The following LTN1 variants were observed in gnomAD, a reference collection of about 807,000 sequenced individuals.
The protein encoded by LTN1 is E3 ubiquitin-protein ligase listerin.
LTN1 carries 88 observed loss-of-function variants against 201.2 expected under a neutral mutation model. That is an observed-to-expected ratio of 0.44 (90% confidence interval 0.37 to 0.52). The LOEUF (loss-of-function observed/expected upper bound fraction) is 0.52, where lower values mean the gene tolerates loss of function less well. Among genes scored for constraint, LTN1 ranks in the 20% least tolerant of loss-of-function variants. LTN1 has a pLI of 0.00. For synonymous variants in LTN1, 645 were observed against 713.5 expected, an observed-to-expected ratio of 0.90 and a Z score of 1.53; for missense variants, 1,752 against 2,038.7, an observed-to-expected ratio of 0.86 and a Z score of 2.71.
chr21:28,962,279 C>T (rs2084485362), intron 11 of LTN1, among the ~76,000 whole-genome samples: 2 of 152,142 alleles, frequency 1.3e-5, no homozygotes, highest in Admixed American at 6.5e-5. Context: ...TTTGTAAATG[C>T]TGCAATTTTA....
chr21:28,942,528 C>G (rs1198039061), intron 24 of LTN1, among the ~76,000 whole-genome samples: 1 of 152,128 alleles, frequency 6.6e-6, no homozygotes, highest in Non-Finnish European at 1.5e-5. Flanking sequence ...AATTCCTGCC[C>G]TCACAGAACT....
intron 11 of LTN1, chr21:28,964,715 G>A: frequency 6.4e-7 from 1 of 1,550,414 alleles, no homozygotes; most frequent in Non-Finnish European, 8.7e-7. Context: ...CTCAGGAAGA[G>A]GATTTTCTTC....
chr21:28,973,692 T>G (rs556486357), intron 6 of LTN1, among the ~76,000 whole-genome samples: 45 of 152,262 alleles, frequency 3.0e-4, no homozygotes, highest in African/African-American at 7.2e-4. Flanking sequence ...CCATAAGGAC[T>G]GAGCAGATTG....
At position 28,928,384 on chromosome 21, in the gene LTN1, A is replaced by G. The variant is rs1337521086; in HGVS notation, c.*2064T>C. 1 of 152,488 alleles carries G rather than the reference A, an allele frequency of 6.6e-6. No individual in the cohort carries two copies. The highest frequency in any genetic ancestry group is 1.5e-5 in the Non-Finnish European group (1 of 68,014). The allele number at this position is 152,488 out of a possible 1,614,324, so 9.4% of individuals were successfully genotyped here. A position where few individuals can be genotyped will look rare whatever the true frequency, so the allele number is the denominator to read the frequency against. On this transcript the variant is annotated 3_prime_UTR_variant, in exon 30 of 30. Coordinates refer to ENST00000361371, the MANE Select transcript of LTN1 (RefSeq NM_015565.3). ...ATTTAAGCCACAGACACTTATGTAC[A>G]TACATTGGAGCATGTGATAAAAGAG...
At chr21:28,956,992 G>A (rs1233029101) in intron 15 of LTN1, 44 bp from the exon 16 acceptor site, 18 of 1,207,760 alleles carry the variant, frequency 1.5e-5, no homozygotes, top group Non-Finnish European at 2.1e-5. Context: ...TATTACCTAA[G>A]CAATTGAGAC....
At chr21:28,947,708 T>A (rs905145532) in intron 18 of LTN1, 102 bp from the exon 19 acceptor site, 3 of 653,390 alleles carry the variant, frequency 4.6e-6, no homozygotes, top group Non-Finnish European at 7.2e-6. Flanking sequence ...GATGAATAAT[T>A]CTATCACATA....
At chr21:28,941,709 G>A (rs945148477) in intron 24 of LTN1, among the ~76,000 whole-genome samples, 1 of 152,130 alleles carries the variant, frequency 6.6e-6, no homozygotes, top group African/African-American at 2.4e-5. Context: ...TCAGTTAGTA[G>A]GGGAAACTGT....
At chr21:28,947,686 C>A in intron 18 of LTN1, 80 bp from the exon 19 acceptor site, 1 of 811,430 alleles carries the variant, frequency 1.2e-6, no homozygotes, top group Non-Finnish European at 1.8e-6. Flanking sequence ...ATTTAGACTA[C>A]TGAAAAAGAT....
intron 27 of LTN1, among the ~76,000 whole-genome samples, chr21:28,933,876 A>T (rs1276198116): frequency 6.6e-6 from 1 of 151,930 alleles, no homozygotes; most frequent in African/African-American, 2.4e-5. Context: ...GGGTTTCTCC[A>T]TGTTGGCCAG....
Position 28,986,403 on chromosome 21 carries a change from GAAA to G in LTN1, c.247-169_247-167del. ...AGCTCTTTCACAGGCTACTACGGTA[GAAA>G]CTCTTCAGTTGTTTTTTTAAAAATA... On this transcript the variant is annotated intron_variant, in intron 2 of 29. Transcript: ENST00000361371. The surrounding 1 kb of genome is among the most constrained non-coding windows in gnomAD (Gnocchi z 4.1). 1.5e-6 allele frequency: 1 copy of G among 684,652 alleles called. No individual in the cohort carries two copies. The highest frequency in any genetic ancestry group is 1.6e-5 in the South Asian group (1 of 62,488). The allele number at this position is 684,652 out of a possible 1,614,324, so 42.4% of individuals were successfully genotyped here.
chr21:28,943,245 A>G lies in LTN1; in HGVS notation c.4295+17T>C. 1.3e-6 allele frequency: 2 copies of G among 1,522,620 alleles called. No homozygotes were observed. Among genetic ancestry groups the G allele is most frequent in the South Asian group, 1.2e-5 (1 of 86,788 alleles). The allele number at this position is 1,522,620 out of a possible 1,614,324, so 94.3% of individuals were successfully genotyped here. On this transcript the variant is annotated intron_variant, in intron 24 of 29. Coordinates refer to ENST00000361371, the MANE Select transcript of LTN1 (RefSeq NM_015565.3). ...TTATAAGAATTTAATAAAACAAATT[A>G]TTTAAAAAAACCTTACAAGGCTGGC...
chr21:28,953,390 C>A lies in LTN1; in HGVS notation c.3080-14G>T, dbSNP rs2084399217. ...GCAGTTCTGCAACTAAAAGAAGAGA[C>A]AGCACCAAATTATGAAAAGCACTCT... On this transcript the variant is annotated splice_polypyrimidine_tract_variant and intron_variant, in intron 16 of 29. Transcript: ENST00000361371. 3 of 1,563,118 alleles carry A rather than the reference C, an allele frequency of 1.9e-6. No individual in the cohort carries two copies. The highest frequency in any genetic ancestry group is 2.6e-6 in the Non-Finnish European group (3 of 1,163,122).
At position 28,932,587 on chromosome 21, in the gene LTN1, T is replaced by C. The variant is rs2084219749; in HGVS notation, c.4953A>G (p.Gln1651=). Residue 1651 remains glutamine, a synonymous_variant, in exon 28 of 30, where the codon CAA becomes CAG. Transcript: ENST00000361371. The part of the protein sequence containing the change: ...IEDIVIELII[Q]LPSNYPLGSI... ...AACCCAGTGGATAATTTGAAGGCAG[T>C]TGTATTATAAGTTCAATAACTATGT... 1 of 1,613,458 alleles carries C rather than the reference T, an allele frequency of 6.2e-7. No homozygotes were observed. Among genetic ancestry groups the C allele is most frequent in the Admixed American group, 1.7e-5 (1 of 60,006 alleles).
chr21:28,978,867 G>A (rs2084636766), intron 6 of LTN1, among the ~76,000 whole-genome samples: 1 of 152,194 alleles, frequency 6.6e-6, no homozygotes, highest in African/African-American at 2.4e-5. Context: ...AATTCTTGAA[G>A]AGATGCAAAA....
rs954566233 is a variant in LTN1 at position 28,945,910 on chromosome 21, A to G, written c.3665T>C (p.Ile1222Thr). The part of the protein sequence containing the change: ...EASPEVLGVN[I>T]EIIRFLSLFL... ...TAGGGAAAGAAACCGGATTATTTCTATATTTACACCCAGTACCTCTGGACT... is the reference window on the plus strand; with the variant it reads ...TAGGGAAAGAAACCGGATTATTTCTGTATTTACACCCAGTACCTCTGGACT... The change falls in exon 21 of 30, where the codon ATA becomes ACA. Residue 1222 changes from isoleucine (I) to threonine (T), a missense_variant. Around this residue, in one of 3 missense-constraint regions of LTN1, gnomAD observed 1,211 missense variants for 1,312.8 expected, o/e 0.92. Transcript: ENST00000361371. The G allele has an allele frequency of 5.6e-6, 9 of 1,613,526 alleles. No individual in the cohort carries two copies. The Admixed American group carries it at 6.7e-5, about 12-fold the overall frequency.
intron 9 of LTN1, among the ~76,000 whole-genome samples, chr21:28,969,140 G>C (rs2084551680): frequency 6.6e-6 from 1 of 151,834 alleles, no homozygotes. Flanking sequence ...AGAATAGCTT[G>C]AACCCGGGAG....
chr21:28,953,368 G>T lies in LTN1; in HGVS notation c.3088C>A (p.Leu1030Met). The change falls in exon 17 of 30, where the codon CTG becomes ATG. Residue 1030 changes from leucine to methionine, a missense_variant. Coordinates refer to ENST00000361371, the MANE Select transcript of LTN1 (RefSeq NM_015565.3). Reference protein sequence around the residue: ...NNELEKIIAELLYSLQWCEEL... With the variant: ...NNELEKIIAEMLYSLQWCEEL... ...TCACACCACTGCAGTGAATAAAGCAGTTCTGCAACTAAAAGAAGAGACAGC... is the reference window on the plus strand; with the variant it reads ...TCACACCACTGCAGTGAATAAAGCATTTCTGCAACTAAAAGAAGAGACAGC... 6.4e-7 allele frequency: 1 copy of T among 1,569,966 alleles called. No homozygotes were observed. The highest frequency in any genetic ancestry group is 8.6e-7 in the Non-Finnish European group (1 of 1,166,934).
Position 28,986,307 on chromosome 21 carries a change from GA to G in LTN1, c.247-71del. 1.1e-6 allele frequency: 1 copy of G among 943,142 alleles called. No homozygotes were observed. Among genetic ancestry groups the G allele is most frequent in the South Asian group, 1.4e-5 (1 of 69,946 alleles). The allele number at this position is 943,142 out of a possible 1,614,324, so 58.4% of individuals were successfully genotyped here. A position where few individuals can be genotyped will look rare whatever the true frequency, so the allele number is the denominator to read the frequency against. ...ACTGGCTATAGATTATTCTGTTCTGGAAGCTTTGTCTATTTTATGTAATAGG... is the reference window on the plus strand; with the variant it reads ...ACTGGCTATAGATTATTCTGTTCTGGAGCTTTGTCTATTTTATGTAATAGG... On this transcript the variant is annotated intron_variant, in intron 2 of 29. Coordinates refer to ENST00000361371, the MANE Select transcript of LTN1 (RefSeq NM_015565.3). This position sits in a 1 kb window ranked among gnomAD's most constrained non-coding sequence, Gnocchi z 4.1.
chr21:28,977,885 GCC>G (rs2084628755), intron 6 of LTN1, among the ~76,000 whole-genome samples: 1 of 151,612 alleles, frequency 6.6e-6, no homozygotes, highest in Admixed American at 6.6e-5. Flanking sequence ...CTGAGATCGT[GCC>G]ACTGCACTTC....
Sources: gnomAD v4.1 joint callset for allele counts (sites outside exome capture counted in the v4.1 genomes callset) on GRCh38, gnomAD v4.1.1 for gene constraint, gnomAD v4.1.1 regional missense constraint, Gnocchi (gnomAD v3.1) non-coding constraint, MANE v1.5 for transcripts, NCBI Gene and HGNC (gene_info 2026-07-23, HGNC 2026-07-21) for gene names.